ERBB4: variants seen among roughly 807,000 people sequenced by gnomAD.
The protein encoded by ERBB4 is erb-b2 receptor tyrosine kinase 4.
In ERBB4, 42 loss-of-function variants were observed where a neutral mutation model predicts 158.0. The ratio of observed to expected loss-of-function variants is 0.27; its 90% CI spans 0.21 to 0.34. ERBB4 has a LOEUF of 0.34. ERBB4 is among the 10% of genes least tolerant of loss of function. The pLI, the probability that ERBB4 is intolerant of heterozygous loss-of-function variation, is 1.00. For synonymous variants in ERBB4, 583 were observed against 558.7 expected (o/e 1.04, Z -0.61); for missense variants, 1,333 against 1,624.1 (o/e 0.82, Z 3.08).
At chr2:212,272,159 CATAT>C (rs1485095913) in intron 1 of ERBB4, among the ~76,000 whole-genome samples, 1 of 151,652 alleles carries the variant, frequency 6.6e-6, no homozygotes, top group Admixed American at 6.6e-5. Context: ...TAAATATAAA[CATAT>C]ATATTTATAT....
intron 1 of ERBB4, among the ~76,000 whole-genome samples, chr2:212,207,592 C>T (rs1051583155): frequency 6.6e-6 from 1 of 152,008 alleles, no homozygotes; most frequent in East Asian, 1.9e-4. Flanking sequence ...CAAGTATAAG[C>T]AGTGAAAATT....
intron 1 of ERBB4, among the ~76,000 whole-genome samples, chr2:212,208,418 G>C (rs2082831002): frequency 2.6e-5 from 4 of 151,834 alleles, no homozygotes; most frequent in Admixed American, 2.0e-4. Flanking sequence ...CTATCTTGAA[G>C]AAAGATTCAA....
rs2089554884 is a variant in ERBB4, at chr2:212,358,551, ATTGGAGTT to A, written c.82+179890_82+179897del. On this transcript the variant is annotated intron_variant, in intron 1 of 27. Coordinates refer to ENST00000342788, the MANE Select transcript of ERBB4 (RefSeq NM_005235.3). ...TAAATGACATCTTAGCTAATTTATA[ATTGGAGTT>A]TTCAATTAAAATTTCTTGATTAATG... Among the ~76,000 whole-genome samples, 2 of 151,778 alleles carry A rather than the reference ATTGGAGTT, an allele frequency of 1.3e-5. 1 individual carries two copies. The highest frequency in any genetic ancestry group is 1.3e-4 in the Admixed American group (2 of 15,156).
chr2:212,304,972 C>T (rs1389332662), intron 1 of ERBB4, among the ~76,000 whole-genome samples: 2 of 150,394 alleles, frequency 1.3e-5, no homozygotes, highest in African/African-American at 2.4e-5. Context: ...ATATAATTAG[C>T]CAATAACAAG....
intron 20 of ERBB4, among the ~76,000 whole-genome samples, chr2:211,473,935 C>T (rs1356694373): frequency 6.6e-6 from 1 of 152,062 alleles, no homozygotes; most frequent in Non-Finnish European, 1.5e-5. Flanking sequence ...GATTCAACTA[C>T]TGGGAAGGAT....
At chr2:211,883,534 T>C (rs778096804) in intron 3 of ERBB4, among the ~76,000 whole-genome samples, 2 of 152,148 alleles carry the variant, frequency 1.3e-5, no homozygotes, top group African/African-American at 4.8e-5. Flanking sequence ...TCCCAGCACT[T>C]TGGGAGGCCG....
At chr2:211,492,532 C>T (rs556282687) in intron 20 of ERBB4, among the ~76,000 whole-genome samples, 1 of 151,906 alleles carries the variant, frequency 6.6e-6, no homozygotes, top group South Asian at 2.1e-4. Flanking sequence ...TCATTTAATG[C>T]CGATGAAAAA....
At chr2:211,425,425 T>C (rs2063606535) in intron 22 of ERBB4, among the ~76,000 whole-genome samples, 1 of 152,012 alleles carries the variant, frequency 6.6e-6, no homozygotes, top group Non-Finnish European at 1.5e-5. Flanking sequence ...ATTTTTTTGG[T>C]TAATATTTAC....
At chr2:211,433,498 G>A (rs1008695307) in intron 20 of ERBB4, among the ~76,000 whole-genome samples, 3 of 151,804 alleles carry the variant, frequency 2.0e-5, no homozygotes, top group East Asian at 1.9e-4. Flanking sequence ...GGAGGATGGC[G>A]TGAACCTGGG....
At chr2:211,840,446 G>A (rs1010782502) in intron 3 of ERBB4, among the ~76,000 whole-genome samples, 3 of 151,994 alleles carry the variant, frequency 2.0e-5, no homozygotes, top group African/African-American at 7.2e-5. Context: ...CACTTGTAAC[G>A]TTTGCCCTCA....
chr2:212,034,405 T>G (rs187065718), intron 2 of ERBB4, among the ~76,000 whole-genome samples: 23 of 152,202 alleles, frequency 1.5e-4, no homozygotes, highest in African/African-American at 5.1e-4. Flanking sequence ...TTCTCTATTT[T>G]CTTACCTTAC....
intron 1 of ERBB4, among the ~76,000 whole-genome samples, chr2:212,384,890 AATATAT>A (rs67216333): frequency 2.0e-3 from 245 of 123,172 alleles, no homozygotes; most frequent in Middle Eastern, 4.1e-3. Flanking sequence ...ATGTTTGTGG[AATATAT>A]ATATATATAT....
intron 1 of ERBB4, among the ~76,000 whole-genome samples, chr2:212,223,874 G>T (rs1488167916): frequency 6.6e-6 from 1 of 151,702 alleles, no homozygotes; most frequent in Non-Finnish European, 1.5e-5. Context: ...GTCAAAGCCT[G>T]GAAAATGAAT....
At chr2:212,435,165 A>T (rs553092300) in intron 1 of ERBB4, among the ~76,000 whole-genome samples, 2 of 152,032 alleles carry the variant, frequency 1.3e-5, no homozygotes, top group Non-Finnish European at 2.9e-5. Flanking sequence ...GGAAATTACA[A>T]AAAAAGATGA....
At chr2:211,820,894 T>C (rs1450429624) in intron 3 of ERBB4, among the ~76,000 whole-genome samples, 3 of 151,662 alleles carry the variant, frequency 2.0e-5, no homozygotes, top group Admixed American at 6.6e-5. Context: ...ATAAATAAGG[T>C]ATAGAAGGAA....
chr2:211,581,966 T>C (rs970377932), intron 19 of ERBB4, among the ~76,000 whole-genome samples: 1 of 152,008 alleles, frequency 6.6e-6, no homozygotes, highest in Non-Finnish European at 1.5e-5. Context: ...GCCAAGATCA[T>C]GCCATTGTAC....
intron 12 of ERBB4, among the ~76,000 whole-genome samples, chr2:211,688,008 C>A (rs10181864): frequency 0.88 from 133,290 of 152,212 alleles, 58,440 homozygotes; most frequent in East Asian, 0.91. Context: ...ATCTTAAAAT[C>A]GGATGCTTTT....
intron 19 of ERBB4, among the ~76,000 whole-genome samples, chr2:211,609,479 C>A (rs530291073): frequency 9.2e-5 from 14 of 152,166 alleles, no homozygotes; most frequent in Admixed American, 8.5e-4. Context: ...TGAACCTAAG[C>A]ATAAGAATGG....
chr2:211,762,712 T>C (rs1479561367), intron 4 of ERBB4, among the ~76,000 whole-genome samples: 3 of 152,170 alleles, frequency 2.0e-5, no homozygotes, highest in African/African-American at 7.2e-5. Context: ...GTTCAACAGC[T>C]AAAATTCAAG....
Sources: allele counts gnomAD v4.1 joint callset (sites outside exome capture counted in the v4.1 genomes callset), GRCh38; gene constraint gnomAD v4.1.1; transcripts MANE v1.5; gene names NCBI Gene and HGNC (gene_info 2026-07-23, HGNC 2026-07-21).